Variants in TMTC3 observed in about 807,000 individuals in gnomAD.
TMTC3 encodes protein O-mannosyl-transferase TMTC3.
In TMTC3, 52 loss-of-function variants were observed where a neutral mutation model predicts 92.2. That is an observed-to-expected ratio of 0.56 (90% confidence interval 0.45 to 0.71). The LOEUF (loss-of-function observed/expected upper bound fraction) is 0.71. Among genes scored for constraint, TMTC3 ranks in the 30% least tolerant of loss-of-function variants. The probability of loss-of-function intolerance (pLI) is 0.00; values close to 1 mark genes in which losing one functional copy is unlikely to be tolerated. For synonymous variants in TMTC3, 339 were observed against 363.3 expected (o/e 0.93, Z 0.76); for missense variants, 896 against 1,057.1 (o/e 0.85, Z 2.11).
At chr12:88,166,059 A>G (rs2138393539) in intron 6 of TMTC3, among the ~76,000 whole-genome samples, 2 of 152,298 alleles carry the variant, frequency 1.3e-5, no homozygotes, top group Middle Eastern at 3.4e-3. Context: ...TATAGGATGC[A>G]TGTCTGAATT....
At chr12:88,168,621 G>A (rs947493256) in intron 7 of TMTC3, among the ~76,000 whole-genome samples, 2 of 152,188 alleles carry the variant, frequency 1.3e-5, no homozygotes, top group African/African-American at 4.8e-5. Context: ...GGGTTGGCTT[G>A]CAGGAACATA....
intron 7 of TMTC3, among the ~76,000 whole-genome samples, chr12:88,168,164 A>G (rs1405499968): frequency 2.0e-5 from 3 of 152,240 alleles, no homozygotes. Flanking sequence ...GAAAAGTAGG[A>G]AAGTGTATTA....
At chr12:88,168,416 G>A (rs1432461198) in intron 7 of TMTC3, among the ~76,000 whole-genome samples, 6 of 152,198 alleles carry the variant, frequency 3.9e-5, no homozygotes, top group African/African-American at 1.4e-4. Context: ...TGCTGGTCAG[G>A]CAATGGTTTC....
intron 4 of TMTC3, among the ~76,000 whole-genome samples, chr12:88,157,345 C>CAAA (rs2041024012): frequency 6.6e-6 from 1 of 151,360 alleles, no homozygotes; most frequent in Admixed American, 6.6e-5. Context: ...CTGGCCTGTG[C>CAAA]AAAGGTTTTC....
chr12:88,192,607 A>G lies in TMTC3; in HGVS notation c.1710A>G (p.Gly570=). 6.3e-7 allele frequency: 1 copy of G among 1,599,544 alleles called. No homozygotes were observed. Among genetic ancestry groups the G allele is most frequent in the Non-Finnish European group, 8.6e-7 (1 of 1,168,332 alleles). Reference sequence around the variant, plus strand: ...CTTGTGTTTGATTTTTCCACAGAGGAGAATTGCTTTTAAAAATGAATAAAC... The same window carrying G: ...CTTGTGTTTGATTTTTCCACAGAGGGGAATTGCTTTTAAAAATGAATAAAC... ...PDFKQAYISR[G]ELLLKMNKPL... Residue 570 remains glycine (G), a synonymous_variant, in exon 13 of 14, where the codon GGA becomes GGG. Coordinates refer to ENST00000266712, the MANE Select transcript of TMTC3 (RefSeq NM_181783.4).
At chr12:88,149,726 C>G (rs1039439798) in intron 2 of TMTC3, among the ~76,000 whole-genome samples, 1 of 152,152 alleles carries the variant, frequency 6.6e-6, no homozygotes, top group Admixed American at 6.5e-5. Context: ...GGGATGGAAT[C>G]TTTCATTCCT....
rs1237656372 is a variant in TMTC3, at chr12:88,176,281, C to G, written c.1394C>G (p.Ala465Gly). 1 of 1,611,850 alleles carries G rather than the reference C, an allele frequency of 6.2e-7. No individual in the cohort carries two copies. The highest frequency in any genetic ancestry group is 1.7e-5 in the Admixed American group (1 of 59,902). The change falls in exon 10 of 14, where the codon GCT (alanine) becomes GGT (glycine). Residue 465 changes from alanine (A) to glycine (G), a missense_variant. Coordinates refer to ENST00000266712, the MANE Select transcript of TMTC3 (RefSeq NM_181783.4). Reference sequence around the variant, plus strand: ...GAAAATGAAAAGAACTTTGAGAGAGCTTTGAAATACTTCTTACAGGCTACC... The same window carrying G: ...GAAAATGAAAAGAACTTTGAGAGAGGTTTGAAATACTTCTTACAGGCTACC... ...ALENEKNFER[A>G]LKYFLQATHV...
At chr12:88,171,672 G>T (rs2041206721) in intron 7 of TMTC3, among the ~76,000 whole-genome samples, 1 of 152,062 alleles carries the variant, frequency 6.6e-6, no homozygotes, top group African/African-American at 2.4e-5. Flanking sequence ...GAACAGGGGA[G>T]GTCAGATCTC....
intron 1 of TMTC3, among the ~76,000 whole-genome samples, chr12:88,143,432 G>T (rs188768593): frequency 6.6e-6 from 1 of 152,222 alleles, no homozygotes; most frequent in African/African-American, 2.4e-5. Flanking sequence ...CAGTGAAATA[G>T]GTGCTTACAT....
chr12:88,145,891 G>C (rs1360902156), intron 1 of TMTC3, among the ~76,000 whole-genome samples: 1 of 152,080 alleles, frequency 6.6e-6, no homozygotes, highest in African/African-American at 2.4e-5. Flanking sequence ...GAGATCCCAA[G>C]TTTTATTTTC....
At position 88,196,698 on chromosome 12, in the gene TMTC3, T is replaced by C. The variant is rs2041517373; in HGVS notation, c.*1049T>C. ...ATTTTGTTATGGTATATCTTTTTAT[T>C]AAATATTTATTTTGACTAAGCTTTC... On this transcript the variant is annotated 3_prime_UTR_variant, in exon 14 of 14. Transcript: ENST00000266712. 6.6e-6 allele frequency: 1 copy of C among 152,060 alleles called. No individual in the cohort carries two copies. The highest frequency in any genetic ancestry group is 1.5e-5 in the Non-Finnish European group (1 of 67,836). 9.4% of individuals were successfully genotyped at this position (152,060 alleles called of 1,614,324 possible).
At chr12:88,188,670 G>A (rs968183635) in intron 10 of TMTC3, among the ~76,000 whole-genome samples, 173 bp from the exon 11 acceptor site, 1 of 152,152 alleles carries the variant, frequency 6.6e-6, no homozygotes, top group Non-Finnish European at 1.5e-5. Context: ...GAAGAAGCAG[G>A]ACCTGTTGCC....
At chr12:88,176,148 G>A (rs1592740900) in intron 9 of TMTC3, 60 bp from the exon 10 acceptor site, 3 of 1,104,120 alleles carry the variant, frequency 2.7e-6, no homozygotes, top group East Asian at 2.6e-5. Flanking sequence ...ACAAATATCT[G>A]TATGAACTGG....
At chr12:88,167,687 T>G (rs1592734618) in intron 7 of TMTC3, among the ~76,000 whole-genome samples, 1 of 152,196 alleles carries the variant, frequency 6.6e-6, no homozygotes, top group East Asian at 1.9e-4. Context: ...TTTGGATGTC[T>G]GAGATACAGA....
Position 88,188,856 on chromosome 12 carries a change from C to T in TMTC3, c.1446C>T (p.Ala482=). 6.4e-7 allele frequency: 1 copy of T among 1,567,452 alleles called. No homozygotes were observed. The highest frequency in any genetic ancestry group is 1.2e-5 in the South Asian group (1 of 86,378). The change falls in exon 11 of 14, where the codon GCC becomes GCT. Residue 482 remains alanine, a synonymous_variant. Transcript: ENST00000266712. ...ATHVQPDDIG[A]HMNVGRTYKN... is the part of the protein sequence containing the mutation. Reference sequence around the variant, plus strand: ...TTAAAATTTTAGATGATATTGGTGCCCATATGAATGTAGGAAGAACTTATA... The same window carrying T: ...TTAAAATTTTAGATGATATTGGTGCTCATATGAATGTAGGAAGAACTTATA...
At chr12:88,183,909 C>G (rs1375375417) in intron 10 of TMTC3, among the ~76,000 whole-genome samples, 1 of 152,124 alleles carries the variant, frequency 6.6e-6, no homozygotes, top group African/African-American at 2.4e-5. Context: ...GAAACCCTAG[C>G]CTGAACAATT....
At chr12:88,143,911 T>C (rs899450788) in intron 1 of TMTC3, among the ~76,000 whole-genome samples, 1 of 152,196 alleles carries the variant, frequency 6.6e-6, no homozygotes, top group Non-Finnish European at 1.5e-5. Flanking sequence ...AGGCCATTCC[T>C]AGATCTGAGT....
At position 88,199,004 on chromosome 12, in the gene TMTC3, T is replaced by G. The variant is rs2041549526; in HGVS notation, c.*3355T>G. On this transcript the variant is annotated 3_prime_UTR_variant, in exon 14 of 14. Transcript: ENST00000266712. ...GTGTACCATATTTCTAAGTATTCATTATTAAATTGGTACTTCTTAAAACCA... is the reference window on the plus strand; with the variant it reads ...GTGTACCATATTTCTAAGTATTCATGATTAAATTGGTACTTCTTAAAACCA... The G allele has an allele frequency of 6.6e-6, 1 of 152,116 alleles. No individual in the cohort carries two copies. Among genetic ancestry groups the G allele is most frequent in the African/African-American group, 2.4e-5 (1 of 41,468 alleles). 9.4% of individuals were successfully genotyped at this position (152,116 alleles called of 1,614,324 possible).
intron 10 of TMTC3, among the ~76,000 whole-genome samples, chr12:88,178,636 T>C (rs2041284782): frequency 6.6e-6 from 1 of 152,194 alleles, no homozygotes; most frequent in South Asian, 2.1e-4. Flanking sequence ...TACCCCTGCA[T>C]CATCAAGTAG....
Sources: gnomAD v4.1 joint callset for allele counts (sites outside exome capture counted in the v4.1 genomes callset) on GRCh38, gnomAD v4.1.1 for gene constraint, MANE v1.5 for transcripts, NCBI Gene and HGNC (gene_info 2026-07-23, HGNC 2026-07-21) for gene names.